Variants in SGCZ observed in about 807,000 individuals in gnomAD.
SGCZ encodes the protein zeta-sarcoglycan.
A neutral mutation model predicts 41.3 loss-of-function variants in SGCZ; 40 were observed. That is an observed-to-expected ratio of 0.97 (90% confidence interval 0.75 to 1.26). The LOEUF (loss-of-function observed/expected upper bound fraction) is 1.26, where lower values mean the gene tolerates loss of function less well. SGCZ is among the 50% of genes most tolerant of loss of function. The pLI is 0.00. For missense variants in SGCZ, 552 were observed against 369.8 expected (o/e 1.49, Z -4.04); for synonymous variants, 206 against 137.5 (o/e 1.50, Z -3.49).
chr8:14,841,033 C>T (rs975090061), intron 1 of SGCZ, among the ~76,000 whole-genome samples: 1 of 151,954 alleles, frequency 6.6e-6, no homozygotes, highest in Middle Eastern at 3.4e-3. Flanking sequence ...AATGTGTAAA[C>T]ATTTTGTTTG....
chr8:14,349,703 A>G (rs1234448157), intron 2 of SGCZ, among the ~76,000 whole-genome samples: 2 of 152,162 alleles, frequency 1.3e-5, no homozygotes, highest in Non-Finnish European at 2.9e-5. Flanking sequence ...TAAATGACTG[A>G]GAAATAAACT....
intron 1 of SGCZ, among the ~76,000 whole-genome samples, chr8:14,771,389 G>C (rs781065240): frequency 1.3e-5 from 2 of 152,106 alleles, no homozygotes; most frequent in Non-Finnish European, 2.9e-5. Context: ...TTTTTAGGGA[G>C]TGTATTGAGC....
intron 2 of SGCZ, among the ~76,000 whole-genome samples, chr8:14,494,564 A>T (rs1434142693): frequency 2.0e-5 from 3 of 152,108 alleles, no homozygotes; most frequent in Non-Finnish European, 4.4e-5. Context: ...TCCTTACAGC[A>T]GTTTTTCAAT....
In SGCZ at chr8:14,429,023, C is replaced by G. The variant is rs77715768; in HGVS notation, c.235-104819G>C. On this transcript the variant is annotated intron_variant, in intron 2 of 7. Transcript: ENST00000382080. ...CTAAAACAGCTGATTTATTTCATTACTGGCAAAGGTGTTGTGAAGAACCTA... is the reference window on the plus strand; with the variant it reads ...CTAAAACAGCTGATTTATTTCATTAGTGGCAAAGGTGTTGTGAAGAACCTA... Among the ~76,000 whole-genome samples the G allele has an allele frequency of 2.1e-4, 32 of 152,256 alleles. No homozygotes were observed. The East Asian group carries it at 5.0e-3, about 24-fold the overall frequency.
chr8:14,694,487 T>G (rs899848186), intron 1 of SGCZ, among the ~76,000 whole-genome samples: 2 of 152,200 alleles, frequency 1.3e-5, no homozygotes, highest in Non-Finnish European at 2.9e-5. Context: ...TGCTCACCCC[T>G]TAGTCCGAAT....
chr8:15,023,219 A>G (rs1803321210), intron 1 of SGCZ, among the ~76,000 whole-genome samples: 1 of 152,190 alleles, frequency 6.6e-6, no homozygotes, highest in Non-Finnish European at 1.5e-5. Context: ...TGTGAAGTCA[A>G]TCAAGTTCAT....
intron 1 of SGCZ, among the ~76,000 whole-genome samples, chr8:14,760,164 G>A (rs1050927366): frequency 1.3e-5 from 2 of 152,096 alleles, no homozygotes; most frequent in Non-Finnish European, 2.9e-5. Flanking sequence ...AAATGACTAT[G>A]CCCGGAAATA....
chr8:14,902,465 A>G (rs1313593565), intron 1 of SGCZ, among the ~76,000 whole-genome samples: 1 of 152,150 alleles, frequency 6.6e-6, no homozygotes, highest in Non-Finnish European at 1.5e-5. Flanking sequence ...CCTTGCCTGG[A>G]AAATCAAGCA....
intron 2 of SGCZ, among the ~76,000 whole-genome samples, chr8:14,396,833 GCA>G (rs1798933515): frequency 6.6e-6 from 1 of 151,766 alleles, no homozygotes. Flanking sequence ...CAACCCTAAG[GCA>G]CATCTCTAAG....
intron 2 of SGCZ, among the ~76,000 whole-genome samples, chr8:14,452,407 A>T (rs546110012): frequency 2.5e-4 from 38 of 152,054 alleles, no homozygotes; most frequent in Non-Finnish European, 5.0e-4. Flanking sequence ...ACTTGTCCTA[A>T]CTCAAAGAAT....
intron 2 of SGCZ, among the ~76,000 whole-genome samples, chr8:14,359,617 C>G (rs1010898606): frequency 5.9e-5 from 9 of 151,934 alleles, no homozygotes; most frequent in Non-Finnish European, 7.4e-5. Context: ...AAACAATACA[C>G]TCCTGAGATT....
At chr8:15,030,985 G>T (rs529339833) in intron 1 of SGCZ, among the ~76,000 whole-genome samples, 5 of 152,104 alleles carry the variant, frequency 3.3e-5, no homozygotes, top group African/African-American at 1.2e-4. Flanking sequence ...ATGTAGACAA[G>T]TTTCCTGGAG....
intron 1 of SGCZ, among the ~76,000 whole-genome samples, chr8:15,107,180 T>G (rs1039759718): frequency 6.6e-6 from 1 of 152,186 alleles, no homozygotes; most frequent in Non-Finnish European, 1.5e-5. Flanking sequence ...TTTTAAAAGT[T>G]TTGTTATCAT....
At chr8:15,156,876 C>T (rs56033232) in intron 1 of SGCZ, among the ~76,000 whole-genome samples, 30,068 of 148,692 alleles carry the variant, frequency 0.2, 3,548 homozygotes, top group East Asian at 0.49. Flanking sequence ...ACCCAGGAGA[C>T]GGAGGTGGCA....
intron 1 of SGCZ, among the ~76,000 whole-genome samples, chr8:14,608,817 T>A (rs543344873): frequency 6.6e-6 from 1 of 152,142 alleles, no homozygotes; most frequent in South Asian, 2.1e-4. Flanking sequence ...TCGAACCATA[T>A]CGGCAAGTGT....
chr8:14,809,090 G>A (rs184757010), intron 1 of SGCZ, among the ~76,000 whole-genome samples: 8,714 of 146,988 alleles, frequency 0.059, 293 homozygotes, highest in Middle Eastern at 0.1. Context: ...TGGGGTGGGT[G>A]GAGGGGGGAG....
chr8:14,195,672 G>T (rs939198198), intron 4 of SGCZ, among the ~76,000 whole-genome samples: 1 of 152,094 alleles, frequency 6.6e-6, no homozygotes, highest in African/African-American at 2.4e-5. Context: ...AGACACTTTT[G>T]TACATAGAGT....
chr8:15,183,978 A>G (rs1187439758), intron 1 of SGCZ, among the ~76,000 whole-genome samples: 2 of 152,218 alleles, frequency 1.3e-5, no homozygotes, highest in East Asian at 3.9e-4. Flanking sequence ...ATTGTAAGAA[A>G]GAATGATGTA....
At chr8:14,126,547 T>G (rs1009020703) in intron 5 of SGCZ, among the ~76,000 whole-genome samples, 7 of 152,144 alleles carry the variant, frequency 4.6e-5, no homozygotes, top group African/African-American at 1.7e-4. Flanking sequence ...GGAATGAAAA[T>G]TAGTGTAACA....
Sources: allele counts gnomAD v4.1 joint callset (sites outside exome capture counted in the v4.1 genomes callset), GRCh38; gene constraint gnomAD v4.1.1; transcripts MANE v1.5; gene names NCBI Gene and HGNC (gene_info 2026-07-23, HGNC 2026-07-21).